Variants in MAGI2 observed in about 807,000 individuals in gnomAD.
MAGI2 encodes membrane-associated guanylate kinase, WW and PDZ domain-containing protein 2.
MAGI2 carries 35 observed loss-of-function variants against 133.3 expected under a neutral mutation model. That is an observed-to-expected ratio of 0.26 (90% CI 0.20 to 0.35). MAGI2 has a LOEUF of 0.35. Among genes scored for constraint, MAGI2 ranks in the 10% least tolerant of loss-of-function variants. MAGI2 has a pLI of 1.00. For synonymous variants in MAGI2, 729 were observed against 710.6 expected (o/e 1.03, Z -0.41); for missense variants, 1,636 against 1,863.4 (o/e 0.88, Z 2.25).
intron 1 of MAGI2, among the ~76,000 whole-genome samples, chr7:79,435,715 C>G (rs1848090754): frequency 6.6e-6 from 1 of 151,992 alleles, no homozygotes; most frequent in Admixed American, 6.6e-5. Context: ...AATGCTATTC[C>G]TATCAAACTA....
rs936375891 is a variant in MAGI2, at chr7:79,274,584, AT to A, written c.301+178435del. On this transcript the variant is annotated intron_variant, in intron 1 of 21. Coordinates refer to ENST00000354212, the MANE Select transcript of MAGI2 (RefSeq NM_012301.4). ...GATCCATATATATATTATATTATAT[AT>A]TTTTTTTCAATTATTGTTGGCATCC... 7.7e-4 allele frequency among the ~76,000 whole-genome samples: 67 copies of A among 87,140 alleles called. No homozygotes were observed. The East Asian group carries it at 0.017, about 22-fold the overall frequency. The allele number at this position is 87,140 out of a possible 152,430, so 57.2% of individuals were successfully genotyped here. A position where few individuals can be genotyped will look rare whatever the true frequency, so the allele number is the denominator to read the frequency against.
intron 6 of MAGI2, among the ~76,000 whole-genome samples, chr7:78,404,966 T>G (rs1482918192): frequency 1.3e-5 from 2 of 152,028 alleles, no homozygotes; most frequent in Non-Finnish European, 1.5e-5. Context: ...TTAAACAATT[T>G]TACAAGAAAA....
chr7:79,042,117 C>T (rs565074494), intron 1 of MAGI2, among the ~76,000 whole-genome samples: 101 of 152,172 alleles, frequency 6.6e-4, no homozygotes, highest in African/African-American at 2.3e-3. Flanking sequence ...CTTGCATTCA[C>T]AATTATAATG....
At chr7:79,199,967 T>C (rs980148623) in intron 1 of MAGI2, among the ~76,000 whole-genome samples, 3 of 152,014 alleles carry the variant, frequency 2.0e-5, no homozygotes, top group African/African-American at 7.3e-5. Flanking sequence ...TATCACTAAT[T>C]CTTAGACTAC....
At chr7:79,138,497 C>T (rs1481732378) in intron 1 of MAGI2, among the ~76,000 whole-genome samples, 1 of 152,196 alleles carries the variant, frequency 6.6e-6, no homozygotes, top group Non-Finnish European at 1.5e-5. Context: ...GTATAGGCTT[C>T]TCTCAAGGCC....
rs1357391652 is a variant in MAGI2, at chr7:78,361,498, G to C, written c.1103+7658C>G. On this transcript the variant is annotated intron_variant, in intron 7 of 21. Transcript: ENST00000354212. ...ACAAATATATTCTCAAAGAAATGTT[G>C]GTGTGAGAGGAATGGTTCCTTTGCT... is the stretch of plus-strand genomic sequence containing the variant. Among the ~76,000 whole-genome samples the C allele has an allele frequency of 4.0e-5, 6 of 151,118 alleles. No individual in the cohort carries two copies. In the East Asian group the frequency reaches 9.7e-4, roughly 25 times the overall value.
intron 20 of MAGI2, among the ~76,000 whole-genome samples, chr7:78,083,344 GGGAGAA>G (rs142992660): frequency 0.16 from 19,368 of 117,848 alleles, 2,314 homozygotes; most frequent in South Asian, 0.2. Context: ...GAGAGGGAGA[GGGAGAA>G]GGAGATGGTG....
intron 2 of MAGI2, among the ~76,000 whole-genome samples, chr7:78,880,348 G>T (rs560424780): frequency 1.3e-5 from 2 of 152,114 alleles, no homozygotes; most frequent in African/African-American, 2.4e-5. Flanking sequence ...CTTGAACAAA[G>T]GGTACACCAT....
rs140543110 is a variant in MAGI2 at position 79,293,953 on chromosome 7, A to T, written c.301+159067T>A. On this transcript the variant is annotated intron_variant, in intron 1 of 21. Coordinates refer to ENST00000354212, the MANE Select transcript of MAGI2 (RefSeq NM_012301.4). ...ATCCCAGAACTTTGGGAGGCCAAGG[A>T]GGGTGAATCACTTGAAGCCAGCAGT... is the stretch of plus-strand genomic sequence containing the variant. Among the ~76,000 whole-genome samples the T allele has an allele frequency of 5.5e-4, 83 of 152,272 alleles. No homozygotes were observed. In the East Asian group the frequency reaches 0.015, roughly 28 times the overall value.
chr7:78,284,736 C>T (rs1382836461), intron 9 of MAGI2, among the ~76,000 whole-genome samples: 1 of 151,972 alleles, frequency 6.6e-6, no homozygotes, highest in Non-Finnish European at 1.5e-5. Flanking sequence ...AACTTAGCTG[C>T]CTGTCATCAA....
At chr7:78,766,093 G>T (rs1409162667) in intron 2 of MAGI2, among the ~76,000 whole-genome samples, 1 of 152,304 alleles carries the variant, frequency 6.6e-6, no homozygotes, top group East Asian at 1.9e-4. Flanking sequence ...GTGGCCCTTT[G>T]AGTGAAATAA....
intron 2 of MAGI2, among the ~76,000 whole-genome samples, chr7:78,772,902 C>A (rs1427004181): frequency 5.9e-5 from 9 of 152,158 alleles, no homozygotes; most frequent in Admixed American, 5.2e-4. Flanking sequence ...TTCTAATAAC[C>A]AAATCTGCTG....
chr7:78,969,667 A>T (rs1391044055), intron 2 of MAGI2, among the ~76,000 whole-genome samples: 5 of 152,072 alleles, frequency 3.3e-5, no homozygotes, highest in Non-Finnish European at 7.4e-5. Flanking sequence ...AGTAAACCTT[A>T]AAAGTGATAC....
At chr7:78,944,316 G>A (rs1453369865) in intron 2 of MAGI2, among the ~76,000 whole-genome samples, 1 of 152,042 alleles carries the variant, frequency 6.6e-6, no homozygotes, top group East Asian at 1.9e-4. Context: ...CTGTGCTTCA[G>A]GCCTTTCAGT....
chr7:78,769,031 A>G (rs1191916146), intron 2 of MAGI2, among the ~76,000 whole-genome samples: 1 of 152,130 alleles, frequency 6.6e-6, no homozygotes, highest in Non-Finnish European at 1.5e-5. Context: ...CAAAGCCCAA[A>G]TAAAGGAACA....
At chr7:78,087,590 T>C (rs888273901) in intron 20 of MAGI2, among the ~76,000 whole-genome samples, 2 of 152,168 alleles carry the variant, frequency 1.3e-5, no homozygotes, top group African/African-American at 4.8e-5. Context: ...ATGGGGCAAA[T>C]GATATTTTTC....
chr7:79,084,004 A>G (rs1174727892), intron 1 of MAGI2, among the ~76,000 whole-genome samples: 2 of 151,582 alleles, frequency 1.3e-5, no homozygotes, highest in Non-Finnish European at 3.0e-5. Flanking sequence ...TTTGGTAATG[A>G]CACTCCCTTT....
chr7:78,553,332 T>C (rs1799525058), intron 3 of MAGI2, among the ~76,000 whole-genome samples: 1 of 152,198 alleles, frequency 6.6e-6, no homozygotes. Context: ...GCCCAAATTT[T>C]TCTCATCAAT....
intron 2 of MAGI2, among the ~76,000 whole-genome samples, chr7:78,985,890 A>G (rs1805210993): frequency 6.6e-6 from 1 of 152,120 alleles, no homozygotes; most frequent in African/African-American, 2.4e-5. Context: ...CTTAATCATT[A>G]TAGATAGGAA....
Sources: gnomAD v4.1 joint callset for allele counts (sites outside exome capture counted in the v4.1 genomes callset) on GRCh38, gnomAD v4.1.1 for gene constraint, MANE v1.5 for transcripts, NCBI Gene and HGNC (gene_info 2026-07-23, HGNC 2026-07-21) for gene names.